PLD1: variants seen among roughly 807,000 people sequenced by gnomAD.
PLD1 encodes choline phosphatase 1.
PLD1 carries 112 observed loss-of-function variants against 137.1 expected under a neutral mutation model. The observed-to-expected ratio is 0.82, with a 90% CI of 0.70 to 0.96. The LOEUF (loss-of-function observed/expected upper bound fraction) is 0.96, where lower values mean the gene tolerates loss of function less well. PLD1 is among the 40% of genes least tolerant of loss of function. The pLI is 0.00. For synonymous variants in PLD1, 431 were observed against 454.7 expected (o/e 0.95, Z 0.66); for missense variants, 1,321 against 1,342.0 (o/e 0.98, Z 0.24).
rs1714671076 is a variant in PLD1 at position 171,687,362 on chromosome 3, A to G, written c.1753+9T>C. On this transcript the variant is annotated intron_variant, in intron 15 of 26. Transcript: ENST00000351298. ...GTTAAGATAAATTCTAGTCAAGGCC[A>G]TGACTTACTGGAGGTGCTGTCAATG... is the stretch of plus-strand genomic sequence containing the variant. 1 of 1,609,412 alleles carries G rather than the reference A, an allele frequency of 6.2e-7. No individual in the cohort carries two copies. The highest frequency in any genetic ancestry group is 2.2e-5 in the East Asian group (1 of 44,858).
chr3:171,704,458 G>GA (rs34861885), intron 11 of PLD1, among the ~76,000 whole-genome samples: 26,146 of 94,804 alleles, frequency 0.28, 3,082 homozygotes, highest in Admixed American at 0.36. Context: ...AAAGAACCAG[G>GA]AAAAAAAAAA....
At chr3:171,787,480 C>T (rs1016219856) in intron 1 of PLD1, among the ~76,000 whole-genome samples, 2 of 152,070 alleles carry the variant, frequency 1.3e-5, no homozygotes, top group Non-Finnish European at 2.9e-5. Context: ...GCTGGTTGTA[C>T]AAAATGCAGC....
rs994033936 is a variant in PLD1 at position 171,662,067 on chromosome 3, T to C, written c.2333A>G (p.Tyr778Cys). ...HVIENSRHYI[Y>C]IENQFFISCA... ...TACATGAGCAAGACTTACTTCGATA[T>C]AGATATAGTGCCTGCTGTTCTCTAT... is the stretch of plus-strand genomic sequence containing the variant. The change falls in exon 20 of 27, where the codon TAT (tyrosine) becomes TGT (cysteine). Residue 778 changes from tyrosine to cysteine, a missense_variant. Transcript: ENST00000351298. The C allele has an allele frequency of 1.1e-5, 17 of 1,579,534 alleles. No individual in the cohort carries two copies. Among genetic ancestry groups the C allele is most frequent in the Non-Finnish European group, 1.4e-5 (16 of 1,149,032 alleles).
chr3:171,762,102 G>A (rs1026204120), intron 1 of PLD1, among the ~76,000 whole-genome samples: 4 of 152,192 alleles, frequency 2.6e-5, no homozygotes, highest in African/African-American at 9.7e-5. Flanking sequence ...AGCAAAGGTG[G>A]TGGGTATCAA....
intron 1 of PLD1, among the ~76,000 whole-genome samples, chr3:171,781,928 C>T (rs1424963433): frequency 6.6e-6 from 1 of 152,150 alleles, no homozygotes; most frequent in Admixed American, 6.5e-5. Flanking sequence ...AAAAAGACTC[C>T]ATTCACCATA....
chr3:171,769,755 T>G (rs1339118251), intron 1 of PLD1, among the ~76,000 whole-genome samples: 1 of 152,214 alleles, frequency 6.6e-6, no homozygotes, highest in African/African-American at 2.4e-5. Flanking sequence ...CTTTTTTAAG[T>G]ACCTATTTCT....
In PLD1 at chr3:171,612,241, T is replaced by C. The variant is rs1732720164; in HGVS notation, c.2882+38A>G. On this transcript the variant is annotated intron_variant, in intron 25 of 26. Coordinates refer to ENST00000351298, the MANE Select transcript of PLD1 (RefSeq NM_002662.5). This position sits in a 1 kb window ranked among gnomAD's most constrained non-coding sequence, Gnocchi z 4.1. ...GGCTGGGTCCCAGCGACTGCTGCAG[T>C]GGAAATGCATCAGAGAGACACACTT... The C allele has an allele frequency of 6.2e-7, 1 of 1,602,438 alleles. No individual in the cohort carries two copies. Among genetic ancestry groups the C allele is most frequent in the Non-Finnish European group, 8.5e-7 (1 of 1,171,070 alleles).
intron 1 of PLD1, among the ~76,000 whole-genome samples, chr3:171,766,865 C>T (rs529883671): frequency 5.9e-4 from 89 of 152,018 alleles, no homozygotes; most frequent in Middle Eastern, 3.4e-3. Flanking sequence ...TTATCTTGTT[C>T]TATATTGTTA....
Position 171,601,972 on chromosome 3 carries a change from C to A in PLD1, c.*1106G>T, listed in dbSNP as rs1016281179. The A allele has an allele frequency of 6.6e-6, 1 of 152,156 alleles. No homozygotes were observed. 9.4% of individuals were successfully genotyped at this position (152,156 alleles called of 1,614,324 possible). A position where few individuals can be genotyped will look rare whatever the true frequency, so the allele number is the denominator to read the frequency against. ...ATATTTAATAATGTAAGTGAAGTAG[C>A]ACATATTTTATAATCAATTAATTTT... is the stretch of plus-strand genomic sequence containing the variant. On this transcript the variant is annotated 3_prime_UTR_variant, in exon 27 of 27. Coordinates refer to ENST00000351298, the MANE Select transcript of PLD1 (RefSeq NM_002662.5).
intron 1 of PLD1, among the ~76,000 whole-genome samples, chr3:171,806,073 C>T (rs1723835155): frequency 6.6e-6 from 1 of 152,150 alleles, no homozygotes; most frequent in South Asian, 2.1e-4. Context: ...ATAAGATTAC[C>T]TACTTTACAG....
intron 1 of PLD1, among the ~76,000 whole-genome samples, chr3:171,755,938 T>C (rs1704772003): frequency 6.6e-6 from 1 of 152,206 alleles, no homozygotes; most frequent in Non-Finnish European, 1.5e-5. Flanking sequence ...TATGTTTTCT[T>C]CTTGAAGAAA....
chr3:171,625,756 C>A (rs1393649952), intron 23 of PLD1, among the ~76,000 whole-genome samples: 1 of 152,184 alleles, frequency 6.6e-6, no homozygotes, highest in Admixed American at 6.5e-5. Flanking sequence ...TGGAGTGGAC[C>A]TCTAGCAAAC....
At chr3:171,652,766 ATTTTTTTTT>A (rs1174564536) in intron 21 of PLD1, among the ~76,000 whole-genome samples, 10 of 75,628 alleles carry the variant, frequency 1.3e-4, no homozygotes, top group East Asian at 4.0e-4. Flanking sequence ...ACACTCAGCT[ATTTTTTTTT>A]TTTTTTTTTT....
rs993724943 is a variant in PLD1 at position 171,810,388 on chromosome 3, G to C, written c.-32+11C>G. 4 of 152,336 alleles carry C rather than the reference G, an allele frequency of 2.6e-5. No homozygotes were observed. Among genetic ancestry groups the C allele is most frequent in the Non-Finnish European group, 5.9e-5 (4 of 68,132 alleles). The allele number at this position is 152,336 out of a possible 1,614,324, so 9.4% of individuals were successfully genotyped here. Reference sequence around the variant, plus strand: ...GGCGCCCGGTGATCCGGGTCTCGGCGCGGCTCCTACCTGCAGGGCGAAGGG... The same window carrying C: ...GGCGCCCGGTGATCCGGGTCTCGGCCCGGCTCCTACCTGCAGGGCGAAGGG... On this transcript the variant is annotated intron_variant, in intron 1 of 26. Transcript: ENST00000351298.
chr3:171,763,844 T>C (rs557700189), intron 1 of PLD1, among the ~76,000 whole-genome samples: 1 of 145,426 alleles, frequency 6.9e-6, no homozygotes, highest in African/African-American at 2.5e-5. Flanking sequence ...TTTTTTTTTT[T>C]TTTTTTTTGA....
Position 171,612,081 on chromosome 3 carries a change from C to T in PLD1, c.2882+198G>A, listed in dbSNP as rs1021126170. Among the ~76,000 whole-genome samples, 1 of 152,124 alleles carries T rather than the reference C, an allele frequency of 6.6e-6. No homozygotes were observed. Among genetic ancestry groups the T allele is most frequent in the Non-Finnish European group, 1.5e-5 (1 of 68,024 alleles). On this transcript the variant is annotated intron_variant, in intron 25 of 26. Transcript: ENST00000351298. The surrounding 1 kb of genome is among the most constrained non-coding windows in gnomAD (Gnocchi z 4.1). Reference sequence around the variant, plus strand: ...TACTGCACGTGACAGTAATAAAAAGCTATTAAAATAAAAAATATTCATGTA... The same window carrying T: ...TACTGCACGTGACAGTAATAAAAAGTTATTAAAATAAAAAATATTCATGTA...
chr3:171,722,520 G>A (rs535945320), intron 8 of PLD1, among the ~76,000 whole-genome samples: 9 of 152,156 alleles, frequency 5.9e-5, no homozygotes, highest in East Asian at 3.9e-4. Context: ...ATCTACTTCC[G>A]TCTCTACAGA....
chr3:171,649,673 T>A (rs567835251), intron 21 of PLD1, among the ~76,000 whole-genome samples: 1 of 152,320 alleles, frequency 6.6e-6, no homozygotes, highest in East Asian at 1.9e-4. Flanking sequence ...AAGCCCCGGA[T>A]AACTACCCAT....
chr3:171,721,563 A>G (rs1445713305), intron 8 of PLD1: 2 of 152,230 alleles, frequency 1.3e-5, no homozygotes, highest in East Asian at 3.9e-4. Flanking sequence ...ATTTTTGGTC[A>G]AAGAATCACA....
Sources: allele counts gnomAD v4.1 joint callset (sites outside exome capture counted in the v4.1 genomes callset), GRCh38; gene constraint gnomAD v4.1.1; non-coding constraint Gnocchi (gnomAD v3.1); transcripts MANE v1.5; gene names NCBI Gene and HGNC (gene_info 2026-07-23, HGNC 2026-07-21).